The following TCF4 variants were observed in gnomAD, a reference collection of about 807,000 sequenced individuals.
The protein encoded by TCF4 is transcription factor 4.
In TCF4, 3 loss-of-function variants were observed where a neutral mutation model predicts 82.1. The observed-to-expected ratio is 0.04, with a 90% CI of 0.02 to 0.09. The LOEUF (loss-of-function observed/expected upper bound fraction) is 0.09, where lower values mean the gene tolerates loss of function less well. TCF4 is among the 10% of genes least tolerant of loss of function. The pLI, the probability that TCF4 is intolerant of heterozygous loss-of-function variation, is 1.00. For synonymous variants in TCF4, 276 were observed against 309.6 expected (o/e 0.89, Z 1.14); for missense variants, 518 against 852.7 (o/e 0.61, Z 4.89).
chr18:55,233,652 C>T (rs755191078), intron 16 of TCF4, among the ~76,000 whole-genome samples: 2 of 151,852 alleles, frequency 1.3e-5, no homozygotes, highest in Non-Finnish European at 2.9e-5. Flanking sequence ...CCTGTCTCTA[C>T]TAAAAATACG....
intron 11 of TCF4, 184 bp downstream of exon 11, chr18:55,269,647 A>G: frequency 1.2e-6 from 1 of 810,834 alleles, no homozygotes; most frequent in Non-Finnish European, 1.9e-6. Context: ...TCTTGTGACG[A>G]AAAATATGGT....
intron 6 of TCF4, among the ~76,000 whole-genome samples, chr18:55,399,598 A>C (rs1295019089): frequency 6.6e-6 from 1 of 152,208 alleles, no homozygotes; most frequent in Non-Finnish European, 1.5e-5. Flanking sequence ...AATGAAGTTC[A>C]TATGCAATAT....
rs1269247179 is a variant in TCF4 at position 55,567,268 on chromosome 18, T to C, written c.145+18012A>G. Among the ~76,000 whole-genome samples, 4 of 152,290 alleles carry C rather than the reference T, an allele frequency of 2.6e-5. No individual in the cohort carries two copies. In the East Asian group the frequency reaches 7.7e-4, roughly 29 times the overall value. On this transcript the variant is annotated intron_variant, in intron 3 of 19. Coordinates refer to ENST00000354452, the MANE Select transcript of TCF4 (RefSeq NM_001083962.2). ...GCCACATACAAACTGAATAAAGGGT[T>C]TAATTAACCAGGAAAATATAGTAAT... is the stretch of plus-strand genomic sequence containing the variant.
chr18:55,583,937 A>C (rs1457583042), intron 3 of TCF4, among the ~76,000 whole-genome samples: 2 of 152,126 alleles, frequency 1.3e-5, no homozygotes, highest in Non-Finnish European at 2.9e-5. Context: ...CCAAATCCCT[A>C]AGTGGAAAAC....
chr18:55,401,759 T>C (rs983154324), intron 6 of TCF4: 12 of 985,776 alleles, frequency 1.2e-5, no homozygotes, highest in Non-Finnish European at 2.4e-6. Context: ...TTTGTGTCTG[T>C]GAGGAATCAC....
chr18:55,634,120 T>C (rs766845353), intron 1 of TCF4, among the ~76,000 whole-genome samples: 29 of 151,924 alleles, frequency 1.9e-4, no homozygotes, highest in Non-Finnish European at 3.7e-4. Flanking sequence ...AATACAAAAA[T>C]TAGCCACGCG....
chr18:55,410,438 T>A (rs1255263066), intron 5 of TCF4, among the ~76,000 whole-genome samples: 1 of 152,094 alleles, frequency 6.6e-6, no homozygotes, highest in African/African-American at 2.4e-5. Flanking sequence ...AGATTCTATA[T>A]TCAATTCTCC....
In TCF4 at chr18:55,350,858, CA is replaced by C. The variant is rs2082184161; in HGVS notation, c.499+15del. On this transcript the variant is annotated intron_variant, in intron 7 of 19. Transcript: ENST00000354452. Reference sequence around the variant, plus strand: ...CATAATCATCCCTCAGGCATTCAAACAAAGGAATACCTTACCCATGGCACTA... The same window carrying C: ...CATAATCATCCCTCAGGCATTCAAACAAGGAATACCTTACCCATGGCACTA... The C allele has an allele frequency of 5.0e-6, 8 of 1,612,828 alleles. No homozygotes were observed. Among genetic ancestry groups the C allele is most frequent in the Non-Finnish European group, 6.8e-6 (8 of 1,179,234 alleles).
chr18:55,573,558 G>A (rs1209870528), intron 3 of TCF4, among the ~76,000 whole-genome samples: 1 of 152,098 alleles, frequency 6.6e-6, no homozygotes, highest in East Asian at 1.9e-4. Flanking sequence ...GCTCAGTCTT[G>A]CGGGATCTGA....
chr18:55,377,643 G>C (rs564006474), intron 6 of TCF4, among the ~76,000 whole-genome samples: 1 of 152,186 alleles, frequency 6.6e-6, no homozygotes, highest in Non-Finnish European at 1.5e-5. Context: ...TTTCAAAAAG[G>C]ACTTTAAACC....
chr18:55,600,807 C>A (rs920764909), intron 2 of TCF4, among the ~76,000 whole-genome samples: 1 of 152,176 alleles, frequency 6.6e-6, no homozygotes, highest in African/African-American at 2.4e-5. Context: ...CAAAAAAATT[C>A]TGTATTGAAC....
At chr18:55,316,509 T>C (rs2074175976) in intron 8 of TCF4, among the ~76,000 whole-genome samples, 1 of 152,078 alleles carries the variant, frequency 6.6e-6, no homozygotes, top group Non-Finnish European at 1.5e-5. Context: ...TAATGAAATA[T>C]GACAGTGTCT....
At chr18:55,443,531 T>TTTG (rs756670970) in intron 5 of TCF4, among the ~76,000 whole-genome samples, 4 of 152,200 alleles carry the variant, frequency 2.6e-5, no homozygotes, top group African/African-American at 7.2e-5. Flanking sequence ...ATTTTAAGCT[T>TTTG]TTGTTGTTGT....
At chr18:55,288,780 G>A (rs1306110245) in intron 8 of TCF4, among the ~76,000 whole-genome samples, 1 of 152,210 alleles carries the variant, frequency 6.6e-6, no homozygotes, top group East Asian at 1.9e-4. Flanking sequence ...TAATACACTT[G>A]TTTAATATTA....
At chr18:55,287,448 T>C (rs2063945546) in intron 8 of TCF4, among the ~76,000 whole-genome samples, 1 of 152,186 alleles carries the variant, frequency 6.6e-6, no homozygotes, top group Non-Finnish European at 1.5e-5. Context: ...TTCACCAAAT[T>C]TCCTTTCCCG....
At chr18:55,510,913 C>T (rs2096821383) in intron 3 of TCF4, 1 of 409,138 alleles carries the variant, frequency 2.4e-6, no homozygotes, top group African/African-American at 2.1e-5. Flanking sequence ...TCAACAAGAT[C>T]TCTGCCAAAC....
intron 6 of TCF4, among the ~76,000 whole-genome samples, chr18:55,383,279 G>C (rs952267691): frequency 1.3e-5 from 2 of 152,216 alleles, no homozygotes; most frequent in African/African-American, 2.4e-5. Context: ...TTGCTAAGTT[G>C]CAAATCATCA....
At chr18:55,459,458 C>T (rs1449143487) in intron 5 of TCF4, among the ~76,000 whole-genome samples, 1 of 152,082 alleles carries the variant, frequency 6.6e-6, no homozygotes, top group Non-Finnish European at 1.5e-5. Flanking sequence ...TTTATTTATT[C>T]TATTTTTCTT....
intron 3 of TCF4, among the ~76,000 whole-genome samples, chr18:55,506,459 T>C (rs1381078831): frequency 6.6e-6 from 1 of 152,190 alleles, no homozygotes; most frequent in African/African-American, 2.4e-5. Context: ...AGCTTCCTGA[T>C]TCTAAAACTG....
Sources: gnomAD v4.1 joint callset for allele counts (sites outside exome capture counted in the v4.1 genomes callset) on GRCh38, gnomAD v4.1.1 for gene constraint, MANE v1.5 for transcripts, NCBI Gene and HGNC (gene_info 2026-07-23, HGNC 2026-07-21) for gene names.